The following PSPC1 variants were observed in gnomAD, a reference collection of about 807,000 sequenced individuals.
PSPC1 encodes the protein paraspeckle component 1, also known as paraspeckle protein 1.
In PSPC1, 14 loss-of-function variants were observed where a neutral mutation model predicts 51.6. The ratio of observed to expected loss-of-function variants is 0.27; its 90% CI spans 0.18 to 0.42. The LOEUF (loss-of-function observed/expected upper bound fraction) is 0.42. PSPC1 is among the 10% of genes least tolerant of loss of function. PSPC1 has a pLI of 1.00. For missense variants in PSPC1, 406 were observed against 701.1 expected (o/e 0.58, Z 4.75); for synonymous variants, 193 against 231.9 (o/e 0.83, Z 1.53).
chr13:19,674,973 C>CA (rs1876470243), exon 8 of PSPC1: 1 of 152,192 alleles, frequency 6.6e-6, no homozygotes, highest in Non-Finnish European at 1.5e-5. Context: ...CCTCACTAGG[C>CA]AAGTGGCAAG....
At chr13:19,743,601 G>C (rs1426262619) in intron 4 of PSPC1, among the ~76,000 whole-genome samples, 1 of 152,150 alleles carries the variant, frequency 6.6e-6, no homozygotes, top group African/African-American at 2.4e-5. Flanking sequence ...GCCAAACCTA[G>C]TTGATCAGAC....
rs555136084 is a variant in PSPC1 at position 19,746,014 on chromosome 13, T to G, written c.968-4365A>C. ...ACATATTTGTTTTGTTTTTTGTTTT[T>G]TTTTTTTTTTGAGACGGAGTCTCGC... is the stretch of plus-strand genomic sequence containing the variant. On this transcript the variant is annotated intron_variant, in intron 4 of 8. Coordinates refer to ENST00000338910, the MANE Select transcript of PSPC1 (RefSeq NM_001354909.2). 2.1e-4 allele frequency among the ~76,000 whole-genome samples: 32 copies of G among 150,344 alleles called. No homozygotes were observed. The South Asian group carries it at 4.0e-3, about 19-fold the overall frequency.
chr13:19,718,265 T>A (rs1174947041), intron 6 of PSPC1, among the ~76,000 whole-genome samples: 1 of 152,196 alleles, frequency 6.6e-6, no homozygotes, highest in Non-Finnish European at 1.5e-5. Context: ...TTTATATATA[T>A]ATACCCAAGT....
intron 6 of PSPC1, among the ~76,000 whole-genome samples, chr13:19,693,919 C>T (rs868204820): frequency 1.4e-4 from 21 of 151,924 alleles, no homozygotes; most frequent in African/African-American, 4.4e-4. Flanking sequence ...GTCAGGAGAT[C>T]GAGACCATGC....
In PSPC1 at chr13:19,702,632, C is replaced by T. The variant is rs1387066861; in HGVS notation, c.*543G>A. 1 of 152,204 alleles carries T rather than the reference C, an allele frequency of 6.6e-6. No individual in the cohort carries two copies. Among genetic ancestry groups the T allele is most frequent in the Non-Finnish European group, 1.5e-5 (1 of 68,102 alleles). 9.4% of individuals were successfully genotyped at this position (152,204 alleles called of 1,614,324 possible). A position where few individuals can be genotyped will look rare whatever the true frequency, so the allele number is the denominator to read the frequency against. ...AGCTGGAAATTCCGATTTCACAGAA[C>T]ATCAGTGGTTTATACAAATTAAACT... On this transcript the variant is annotated 3_prime_UTR_variant, in exon 9 of 9. Coordinates refer to ENST00000338910, the MANE Select transcript of PSPC1 (RefSeq NM_001354909.2).
At chr13:19,709,061 A>G (rs1487838784) in intron 7 of PSPC1, among the ~76,000 whole-genome samples, 1 of 150,324 alleles carries the variant, frequency 6.7e-6, no homozygotes, top group East Asian at 2.0e-4. Flanking sequence ...CTACTTGGTA[A>G]GATGGAAGGA....
At chr13:19,679,835 C>G (rs1418291148) in intron 6 of PSPC1, among the ~76,000 whole-genome samples, 1 of 152,170 alleles carries the variant, frequency 6.6e-6, no homozygotes, top group Non-Finnish European at 1.5e-5. Context: ...ATAAACCAAA[C>G]TGGACAACAG....
rs550284584 is a variant in PSPC1 at position 19,774,560 on chromosome 13, G to A, written c.373-2017C>T. On this transcript the variant is annotated intron_variant, in intron 1 of 8. Coordinates refer to ENST00000338910, the MANE Select transcript of PSPC1 (RefSeq NM_001354909.2). ...CACACCTGTAATCCCAGCACTTTGG[G>A]AGGCTGAGGCAGGTAGATCACTTGA... is the stretch of plus-strand genomic sequence containing the variant. Among the ~76,000 whole-genome samples the A allele has an allele frequency of 3.3e-5, 5 of 152,220 alleles. No homozygotes were observed. The East Asian group carries it at 9.6e-4, about 29-fold the overall frequency.
chr13:19,750,448 A>C (rs980507285), intron 4 of PSPC1, among the ~76,000 whole-genome samples: 3 of 76,330 alleles, frequency 3.9e-5, no homozygotes, highest in Non-Finnish European at 6.6e-5. Flanking sequence ...AACAAAAAAC[A>C]AACAAACAAA....
chr13:19,751,914 C>T (rs1473646503), intron 3 of PSPC1, among the ~76,000 whole-genome samples: 2 of 152,024 alleles, frequency 1.3e-5, no homozygotes, highest in Non-Finnish European at 2.9e-5. Flanking sequence ...AAAAATTAGC[C>T]GGGCGTGGTG....
At chr13:19,721,144 A>G (rs1388470620) in intron 6 of PSPC1, among the ~76,000 whole-genome samples, 1 of 152,206 alleles carries the variant, frequency 6.6e-6, no homozygotes, top group African/African-American at 2.4e-5. Flanking sequence ...TGACTAGCCT[A>G]AAATATAATT....
intron 4 of PSPC1, among the ~76,000 whole-genome samples, chr13:19,741,866 C>T (rs1185384248): frequency 6.6e-6 from 1 of 151,828 alleles, no homozygotes; most frequent in Non-Finnish European, 1.5e-5. Flanking sequence ...GTGCGGTGGC[C>T]CACGCCTACA....
intron 6 of PSPC1, among the ~76,000 whole-genome samples, chr13:19,692,051 T>G (rs1878631117): frequency 6.6e-6 from 1 of 152,206 alleles, no homozygotes; most frequent in Non-Finnish European, 1.5e-5. Flanking sequence ...TGGTCTACCA[T>G]GTAGTTGTGA....
At chr13:19,736,562 A>G (rs576209236) in intron 5 of PSPC1, among the ~76,000 whole-genome samples, 2 of 152,126 alleles carry the variant, frequency 1.3e-5, no homozygotes, top group Admixed American at 6.5e-5. Context: ...AGGCGCCTGT[A>G]ATCCTAGCTA....
intron 1 of PSPC1, among the ~76,000 whole-genome samples, chr13:19,777,118 TAAA>T (rs34432573): frequency 1.1e-5 from 1 of 87,376 alleles, no homozygotes; most frequent in African/African-American, 4.7e-5. Flanking sequence ...AGGCTCCATC[TAAA>T]AAAAAAAAAA....
chr13:19,752,776 C>T (rs1168312467), intron 3 of PSPC1, among the ~76,000 whole-genome samples: 3 of 151,880 alleles, frequency 2.0e-5, no homozygotes, highest in East Asian at 3.9e-4. Flanking sequence ...TTAGTAGAGA[C>T]GGGGTTTCAC....
chr13:19,714,916 G>A (rs1028323859), intron 6 of PSPC1, among the ~76,000 whole-genome samples: 2 of 152,154 alleles, frequency 1.3e-5, no homozygotes, highest in Non-Finnish European at 2.9e-5. Context: ...ATAAAGTCAG[G>A]TCTTCTTTGA....
chr13:19,735,570 T>C (rs1418907226), intron 5 of PSPC1, among the ~76,000 whole-genome samples: 1 of 152,196 alleles, frequency 6.6e-6, no homozygotes, highest in Non-Finnish European at 1.5e-5. Flanking sequence ...GTACTCCAAA[T>C]ACATTTCTCC....
chr13:19,776,370 G>T (rs770342127), intron 1 of PSPC1, among the ~76,000 whole-genome samples: 4 of 152,080 alleles, frequency 2.6e-5, no homozygotes, highest in Middle Eastern at 3.2e-3. Context: ...AGGGGCTGAG[G>T]TGTGAGGATC....
Sources: gnomAD v4.1 joint callset for allele counts (sites outside exome capture counted in the v4.1 genomes callset) on GRCh38, gnomAD v4.1.1 for gene constraint, MANE v1.5 for transcripts, NCBI Gene and HGNC (gene_info 2026-07-23, HGNC 2026-07-21) for gene names.